The following HMCN2 variants were observed in gnomAD, a reference collection of about 807,000 sequenced individuals.
The protein encoded by HMCN2 is hemicentin-2.
Under a neutral mutation model 377.5 loss-of-function variants are expected in HMCN2, and 325 were observed. That is an observed-to-expected ratio of 0.86 (90% CI 0.79 to 0.94). The LOEUF is 0.94. Among genes scored for constraint, HMCN2 ranks in the 40% least tolerant of loss-of-function variants. HMCN2 has a pLI of 0.00. For synonymous variants in HMCN2, 2,007 were observed against 2,046.8 expected (o/e 0.98, Z 0.53); for missense variants, 4,543 against 4,725.3 (o/e 0.96, Z 1.13).
At chr9:130,311,906 G>A (rs1193710454) in intron 15 of HMCN2, among the ~76,000 whole-genome samples, 3 of 152,008 alleles carry the variant, frequency 2.0e-5, no homozygotes, top group Non-Finnish European at 4.4e-5. Context: ...ACTGTGGCTG[G>A]GTTCTCAGGT....
intron 1 of HMCN2, among the ~76,000 whole-genome samples, chr9:130,276,766 A>G (rs566312239): frequency 5.0e-4 from 76 of 152,344 alleles, no homozygotes; most frequent in African/African-American, 1.8e-3. Context: ...TCTGAATTCT[A>G]GCAGGCTTGA....
At chr9:130,357,756 C>A in intron 34 of HMCN2, 78 bp from the exon 35 acceptor site, 2 of 1,100,666 alleles carry the variant, frequency 1.8e-6, no homozygotes, top group Non-Finnish European at 2.4e-6. Context: ...CACCCCCAGG[C>A]ATCGAGGGGG....
intron 57 of HMCN2, among the ~76,000 whole-genome samples, 151 bp from the exon 58 acceptor site, chr9:130,384,222 G>A (rs1046600320): frequency 6.6e-6 from 1 of 152,242 alleles, no homozygotes; most frequent in Non-Finnish European, 1.5e-5. Flanking sequence ...GTGTAAGAGA[G>A]TCATGGCAAA....
intron 22 of HMCN2, among the ~76,000 whole-genome samples, chr9:130,329,251 C>T (rs1263302244): frequency 2.6e-5 from 4 of 152,164 alleles, no homozygotes; most frequent in African/African-American, 2.4e-5. Flanking sequence ...TGGGGCCTTT[C>T]GTGTCTGGCT....
At chr9:130,392,252 C>T (rs780414208) in intron 66 of HMCN2, 134 bp downstream of exon 66, 265 of 570,842 alleles carry the variant, frequency 4.6e-4, no homozygotes, top group Non-Finnish European at 5.6e-4. Context: ...GTGTGGACTG[C>T]GCCCCAGATG....
At chr9:130,401,289 G>A (rs1842845611) in intron 77 of HMCN2, among the ~76,000 whole-genome samples, 1 of 152,164 alleles carries the variant, frequency 6.6e-6, no homozygotes, top group East Asian at 1.9e-4. Context: ...CTTTGGTGTT[G>A]AAACTTCCTT....
chr9:130,417,191 G>T (rs1217367353), intron 85 of HMCN2, among the ~76,000 whole-genome samples: 1 of 151,936 alleles, frequency 6.6e-6, no homozygotes, highest in African/African-American at 2.4e-5. Flanking sequence ...AGGGTTACAG[G>T]CATGAACCAC....
chr9:130,393,000 T>C (rs1232671465), intron 66 of HMCN2, among the ~76,000 whole-genome samples: 1 of 147,578 alleles, frequency 6.8e-6, no homozygotes, highest in Non-Finnish European at 1.5e-5. Context: ...CATCTCACCA[T>C]CTCAAAAAAA....
At chr9:130,296,305 C>T (rs1477850777) in intron 6 of HMCN2, among the ~76,000 whole-genome samples, 1 of 152,210 alleles carries the variant, frequency 6.6e-6, no homozygotes, top group East Asian at 1.9e-4. Context: ...GGTAAAGTGG[C>T]AGTACCACCT....
intron 72 of HMCN2, 51 bp from the exon 73 acceptor site, chr9:130,396,118 C>G: frequency 1.6e-6 from 2 of 1,244,648 alleles, no homozygotes; most frequent in Non-Finnish European, 2.1e-6. Flanking sequence ...ACCCTGCCCA[C>G]CCCCTTAGAG....
chr9:130,338,853 CT>C, intron 23 of HMCN2, among the ~76,000 whole-genome samples: 1 of 152,358 alleles, frequency 6.6e-6, no homozygotes, highest in South Asian at 2.1e-4. Flanking sequence ...AAAAAACCAA[CT>C]AAATAATATT....
In HMCN2 at chr9:130,428,388, T is replaced by A. The variant is rs538637997; in HGVS notation, c.14096T>A (p.Leu4699His). 1.3e-6 allele frequency: 2 copies of A among 1,548,114 alleles called. No homozygotes were observed. The highest frequency in any genetic ancestry group is 1.7e-6 in the Non-Finnish European group (2 of 1,146,858). ...DVDECAWDAHLCREGQRCVNL... is the reference protein window; with the variant it reads ...DVDECAWDAHHCREGQRCVNL... Reference sequence around the variant, plus strand: ...GACGAGTGTGCGTGGGATGCTCACCTCTGCCGAGAGGGACAGCGCTGTGTG... The same window carrying A: ...GACGAGTGTGCGTGGGATGCTCACCACTGCCGAGAGGGACAGCGCTGTGTG... Residue 4699 changes from leucine (L) to histidine (H), a missense_variant, in exon 93 of 98, where the codon CTC becomes CAC. Physicochemically the swap from Leu to His is moderately conservative, Grantham distance 99. Around this residue, in one of 5 missense-constraint regions of HMCN2, gnomAD observed 1,155 missense variants for 1,157.7 expected, o/e 1.00. Transcript: ENST00000683500. The surrounding 1 kb of genome is among the most constrained non-coding windows in gnomAD (Gnocchi z 5.0).
intron 22 of HMCN2, among the ~76,000 whole-genome samples, chr9:130,332,319 G>T (rs1474994299): frequency 6.6e-6 from 1 of 152,246 alleles, no homozygotes. Context: ...GTCGCACAGT[G>T]TGAGGGTCCA....
At chr9:130,327,052 G>A (rs1838172277) in intron 21 of HMCN2, among the ~76,000 whole-genome samples, 4 of 151,402 alleles carry the variant, frequency 2.6e-5, no homozygotes, top group African/African-American at 9.7e-5. Flanking sequence ...GGGCAGGAGG[G>A]ACCGGGTCAG....
chr9:130,418,930 G>T lies in HMCN2; in HGVS notation c.13120G>T (p.Asp4374Tyr). Residue 4374 changes from aspartate (D) to tyrosine (Y), a missense_variant, in exon 86 of 98, where the codon GAT becomes TAT. By Grantham distance (160) the Asp-to-Tyr change is radical (BLOSUM62 -3). This residue lies in a region of HMCN2 where 1,155 missense variants were observed against 1,157.7 expected (regional missense o/e 1.00). Transcript: ENST00000683500. ...CAGCCGGCGGCTCCGGACCCTGCCC[G>T]ATGGGAGCCTGTGGCTGGAGAACGT... The part of the protein sequence containing the change: ...RASRRLRTLP[D>Y]GSLWLENVET... The T allele has an allele frequency of 6.5e-7, 1 of 1,544,108 alleles. No individual in the cohort carries two copies. Among genetic ancestry groups the T allele is most frequent in the Non-Finnish European group, 8.7e-7 (1 of 1,143,806 alleles).
At chr9:130,286,105 T>C (rs1835396489) in intron 3 of HMCN2, 83 bp from the exon 4 acceptor site, 1 of 453,818 alleles carries the variant, frequency 2.2e-6, no homozygotes, top group Admixed American at 2.4e-5. Flanking sequence ...TCCAGGTCAC[T>C]CCACCCTGGT....
chr9:130,365,666 C>T lies in HMCN2; in HGVS notation c.6444C>T (p.Tyr2148=), dbSNP rs550633362. 13 of 986,016 alleles carry T rather than the reference C, an allele frequency of 1.3e-5. No homozygotes were observed. The highest frequency in any genetic ancestry group is 1.1e-4 in the East Asian group (1 of 8,816). The allele number at this position is 986,016 out of a possible 1,614,324, so 61.1% of individuals were successfully genotyped here. A position where few individuals can be genotyped will look rare whatever the true frequency, so the allele number is the denominator to read the frequency against. The change falls in exon 42 of 98, where the codon TAC becomes TAT. Residue 2148 remains tyrosine, a synonymous_variant. Transcript: ENST00000683500. ...DRADVWDAGH[Y]TCEALNQAGH... ...CCGATGTGTGGGATGCGGGCCATTA[C>T]ACCTGTGAGGCACTGAACCAGGCCG...
In HMCN2 at chr9:130,384,809, G is replaced by C; in HGVS notation, c.9106+11G>C. 1 of 1,297,984 alleles carries C rather than the reference G, an allele frequency of 7.7e-7. No homozygotes were observed. The highest frequency in any genetic ancestry group is 1.0e-6 in the Non-Finnish European group (1 of 984,300). The allele number at this position is 1,297,984 out of a possible 1,614,324, so 80.4% of individuals were successfully genotyped here. On this transcript the variant is annotated intron_variant, in intron 59 of 97. Transcript: ENST00000683500. Reference sequence around the variant, plus strand: ...AGCTCAGTGTTCTGGGTATGTCCATGTCTGTCCCCAACTTGTACTGTCCCC... The same window carrying C: ...AGCTCAGTGTTCTGGGTATGTCCATCTCTGTCCCCAACTTGTACTGTCCCC...
chr9:130,330,090 T>G (rs879088531), intron 22 of HMCN2, among the ~76,000 whole-genome samples: 1 of 150,680 alleles, frequency 6.6e-6, no homozygotes, highest in East Asian at 2.0e-4. Context: ...TCTCCAAGGA[T>G]GTCCCCAGGC....
Sources: gnomAD v4.1 joint callset for allele counts (sites outside exome capture counted in the v4.1 genomes callset) on GRCh38, gnomAD v4.1.1 for gene constraint, gnomAD v4.1.1 regional missense constraint, Gnocchi (gnomAD v3.1) non-coding constraint, MANE v1.5 for transcripts, NCBI Gene and HGNC (gene_info 2026-07-23, HGNC 2026-07-21) for gene names.